The following CCDC178 variants were observed in gnomAD, a reference collection of about 807,000 sequenced individuals.
CCDC178 encodes coiled-coil domain containing 178.
A neutral mutation model predicts 117.4 loss-of-function variants in CCDC178; 126 were observed. The ratio of observed to expected loss-of-function variants is 1.07; its 90% CI spans 0.93 to 1.24. The LOEUF is 1.24. Among genes scored for constraint, CCDC178 ranks in the 50% most tolerant of loss-of-function variants. CCDC178 has a pLI of 0.00. For missense variants in CCDC178, 1,030 were observed against 986.9 expected, an observed-to-expected ratio of 1.04 and a Z score of -0.59; for synonymous variants, 283 against 313.4, an observed-to-expected ratio of 0.90 and a Z score of 1.02.
chr18:33,136,177 G>C (rs2058123581), intron 20 of CCDC178: 1 of 152,222 alleles, frequency 6.6e-6, no homozygotes, highest in African/African-American at 2.4e-5. Context: ...CCAGAGAACT[G>C]AATGTTGGCA....
At position 33,222,692 on chromosome 18, in the gene CCDC178, TCC is replaced by T. The variant is rs2059250991; in HGVS notation, c.1932+412_1932+413del. Among the ~76,000 whole-genome samples the T allele has an allele frequency of 3.3e-5, 5 of 152,208 alleles. No individual in the cohort carries two copies. In the South Asian group the frequency reaches 1.0e-3, roughly 32 times the overall value. ...ACACAAACATTCAGACCATAGCAAT[TCC>T]CCTTTTCCTTCCTTTTCTCCCTCTG... is the stretch of plus-strand genomic sequence containing the variant. On this transcript the variant is annotated intron_variant, in intron 18 of 22. Transcript: ENST00000383096.
At chr18:33,059,458 C>G (rs537649768) in intron 21 of CCDC178, among the ~76,000 whole-genome samples, 2 of 152,052 alleles carry the variant, frequency 1.3e-5, no homozygotes, top group Admixed American at 6.6e-5. Context: ...TAGAGGTTTG[C>G]CCTGCAACTT....
chr18:33,427,142 A>T (rs1197583411), intron 2 of CCDC178, among the ~76,000 whole-genome samples: 1 of 152,106 alleles, frequency 6.6e-6, no homozygotes, highest in African/African-American at 2.4e-5. Flanking sequence ...AATTATTTTC[A>T]AAGTTATTTC....
chr18:33,330,896 G>A (rs1019027157), intron 10 of CCDC178, among the ~76,000 whole-genome samples: 14 of 151,908 alleles, frequency 9.2e-5, no homozygotes, highest in African/African-American at 2.2e-4. Context: ...TGTGAATCTC[G>A]TCCAAAAAAT....
At chr18:33,212,718 T>C (rs1357148633) in intron 19 of CCDC178, among the ~76,000 whole-genome samples, 2 of 152,172 alleles carry the variant, frequency 1.3e-5, no homozygotes, top group East Asian at 3.9e-4. Context: ...GGTGTATGTA[T>C]GCATGTGTGT....
At chr18:33,085,049 G>A (rs142702442) in intron 21 of CCDC178, among the ~76,000 whole-genome samples, 27 of 152,022 alleles carry the variant, frequency 1.8e-4, no homozygotes, top group African/African-American at 6.0e-4. Context: ...TTACACTTCT[G>A]TCCTCTCTAC....
chr18:33,329,874 AGAGT>A lies in CCDC178; in HGVS notation c.879+3296_879+3299del, dbSNP rs747394412. Among the ~76,000 whole-genome samples, 259 of 75,436 alleles carry A rather than the reference AGAGT, an allele frequency of 3.4e-3. 2 individuals carry two copies. Among genetic ancestry groups the A allele is most frequent in the African/African-American group, 0.013 (239 of 18,988 alleles). 49.5% of individuals were successfully genotyped at this position (75,436 alleles called of 152,430 possible). A position where few individuals can be genotyped will look rare whatever the true frequency, so the allele number is the denominator to read the frequency against. ...AGAGTTTGAGAGTTGGAGAATTATT[AGAGT>A]GTGTGTGTGTGTGTGTGTGTGTGTG... is the stretch of plus-strand genomic sequence containing the variant. On this transcript the variant is annotated intron_variant, in intron 10 of 22. Transcript: ENST00000383096.
intron 20 of CCDC178, among the ~76,000 whole-genome samples, chr18:33,150,853 A>T (rs924577965): frequency 6.6e-6 from 1 of 152,222 alleles, no homozygotes; most frequent in African/African-American, 2.4e-5. Flanking sequence ...ACATTTCACA[A>T]TTGTAAAGAT....
chr18:33,409,162 C>T lies in CCDC178; in HGVS notation c.58+2869G>A, dbSNP rs185644032. On this transcript the variant is annotated intron_variant, in intron 3 of 22. Coordinates refer to ENST00000383096, the MANE Select transcript of CCDC178 (RefSeq NM_001105528.4). ...CCAAGCTGGAGTGCAGAGCCGCATGCGACATCTGCCTCCTTGGTTCAAGGG... is the reference window on the plus strand; with the variant it reads ...CCAAGCTGGAGTGCAGAGCCGCATGTGACATCTGCCTCCTTGGTTCAAGGG... Among the ~76,000 whole-genome samples the T allele has an allele frequency of 2.8e-4, 43 of 152,198 alleles. No individual in the cohort carries two copies. The East Asian group carries it at 6.8e-3, about 24-fold the overall frequency.
chr18:32,986,535 T>C (rs570946705), intron 21 of CCDC178, among the ~76,000 whole-genome samples: 15 of 152,042 alleles, frequency 9.9e-5, no homozygotes, highest in African/African-American at 3.6e-4. Context: ...CCAGGAAGAG[T>C]ATTATTTCAG....
chr18:33,333,014 A>G (rs563201959), intron 10 of CCDC178, among the ~76,000 whole-genome samples, 160 bp downstream of exon 10: 2 of 152,150 alleles, frequency 1.3e-5, no homozygotes, highest in African/African-American at 4.8e-5. Flanking sequence ...AGACATAGTT[A>G]AAATGAATAC....
In CCDC178 at chr18:33,184,738, A is replaced by C. The variant is rs1009900794; in HGVS notation, c.2238+27158T>G. Reference sequence around the variant, plus strand: ...ATTTCCTTTAGTGATGAACTACCAGAGCACATTCTGTAATAGTGAAGTATT... The same window carrying C: ...ATTTCCTTTAGTGATGAACTACCAGCGCACATTCTGTAATAGTGAAGTATT... On this transcript the variant is annotated intron_variant, in intron 20 of 22. Transcript: ENST00000383096. Among the ~76,000 whole-genome samples the C allele has an allele frequency of 4.0e-4, 61 of 152,206 alleles. 1 individual carries two copies. Among genetic ancestry groups the C allele is most frequent in the African/African-American group, 1.4e-3 (60 of 41,562 alleles).
At chr18:32,988,398 T>A (rs1235830863) in intron 21 of CCDC178, among the ~76,000 whole-genome samples, 1 of 152,130 alleles carries the variant, frequency 6.6e-6, no homozygotes, top group African/African-American at 2.4e-5. Flanking sequence ...ATCGTGCCAC[T>A]GCATGCCAGC....
intron 21 of CCDC178, among the ~76,000 whole-genome samples, chr18:33,060,515 CA>C (rs1255261476): frequency 3.3e-5 from 5 of 151,926 alleles, no homozygotes; most frequent in African/African-American, 1.2e-4. Context: ...TTACTCTAAA[CA>C]AATTTGTACT....
intron 20 of CCDC178, among the ~76,000 whole-genome samples, chr18:33,199,198 T>A (rs1380331711): frequency 6.6e-6 from 1 of 152,158 alleles, no homozygotes; most frequent in African/African-American, 2.4e-5. Context: ...GAAGGTTTAA[T>A]TGCAGTTAGT....
intron 21 of CCDC178, among the ~76,000 whole-genome samples, chr18:32,998,071 G>C (rs537323547): frequency 6.6e-6 from 1 of 152,160 alleles, no homozygotes; most frequent in African/African-American, 2.4e-5. Flanking sequence ...AAAAGGCACC[G>C]AAGATAGTTG....
intron 20 of CCDC178, among the ~76,000 whole-genome samples, chr18:33,159,502 T>C (rs73959109): frequency 1.1e-3 from 174 of 152,208 alleles, no homozygotes; most frequent in African/African-American, 4.0e-3. Flanking sequence ...AGGAAAAGAA[T>C]TTGCTTTCTT....
intron 20 of CCDC178, among the ~76,000 whole-genome samples, chr18:33,143,374 G>A (rs1568014668): frequency 6.6e-6 from 1 of 152,134 alleles, no homozygotes; most frequent in Non-Finnish European, 1.5e-5. Flanking sequence ...GACTATTTTT[G>A]TGGTTACATT....
chr18:32,947,713 T>G (rs916799569), intron 22 of CCDC178, among the ~76,000 whole-genome samples: 3 of 152,170 alleles, frequency 2.0e-5, no homozygotes, highest in African/African-American at 7.2e-5. Flanking sequence ...AAGTTTTACA[T>G]TTTGATAAAA....
Sources: gnomAD v4.1 joint callset for allele counts (sites outside exome capture counted in the v4.1 genomes callset) on GRCh38, gnomAD v4.1.1 for gene constraint, MANE v1.5 for transcripts, NCBI Gene and HGNC (gene_info 2026-07-23, HGNC 2026-07-21) for gene names.